GOLGA4: variants seen among roughly 807,000 people sequenced by gnomAD.
GOLGA4 encodes the protein golgin subfamily A member 4.
GOLGA4 carries 169 observed loss-of-function variants against 265.9 expected under a neutral mutation model. The observed-to-expected ratio is 0.64, with a 90% CI of 0.56 to 0.72. The LOEUF is 0.72. Ranked by LOEUF, GOLGA4 falls within the 30% of genes least tolerant of loss-of-function variation. The pLI, the probability that GOLGA4 is intolerant of heterozygous loss-of-function variation, is 0.00. For missense variants in GOLGA4, 2,482 were observed against 2,483.4 expected (o/e 1.00, Z 0.01); for synonymous variants, 923 against 855.8 (o/e 1.08, Z -1.37).
In GOLGA4 at chr3:37,366,134, G is replaced by GA; in HGVS notation, c.*92dup. 6.6e-7 allele frequency: 1 copy of GA among 1,504,466 alleles called. No individual in the cohort carries two copies. Among genetic ancestry groups the GA allele is most frequent in the East Asian group, 2.5e-5 (1 of 40,370 alleles). 93.2% of individuals were successfully genotyped at this position (1,504,466 alleles called of 1,614,324 possible). A position where few individuals can be genotyped will look rare whatever the true frequency, so the allele number is the denominator to read the frequency against. ...AGTGACATTGGGTGACTGCTGCTTG[G>GA]AAAACTGTCCACACTTGCTACTCTT... On this transcript the variant is annotated 3_prime_UTR_variant, in exon 24 of 24. Coordinates refer to ENST00000361924, the MANE Select transcript of GOLGA4 (RefSeq NM_002078.5).
chr3:37,324,340 G>C lies in GOLGA4; in HGVS notation c.2454G>C (p.Glu818Asp), dbSNP rs1353181996. ...SATHEQTKAY[E>D]EQLAQLQQKL... ...CACATGAGCAGACAAAAGCATATGAGGAACAGTTGGCCCAATTGCAGCAGA... is the reference window on the plus strand; with the variant it reads ...CACATGAGCAGACAAAAGCATATGACGAACAGTTGGCCCAATTGCAGCAGA... Residue 818 changes from glutamate to aspartate, a missense_variant, in exon 14 of 24, where the codon GAG (glutamate) becomes GAC (aspartate). Transcript: ENST00000361924. The C allele has an allele frequency of 6.2e-7, 1 of 1,614,112 alleles. No homozygotes were observed. Among genetic ancestry groups the C allele is most frequent in the Admixed American group, 1.7e-5 (1 of 60,016 alleles).
rs1337591096 is a variant in GOLGA4, at chr3:37,323,603, G to A, written c.1717G>A (p.Glu573Lys). Residue 573 changes from glutamate (E) to lysine (K), a missense_variant, in exon 14 of 24, where the codon GAA becomes AAA. This residue lies in a region of GOLGA4 where 1,536 missense variants were observed against 1,483.7 expected (regional missense o/e 1.04). Coordinates refer to ENST00000361924, the MANE Select transcript of GOLGA4 (RefSeq NM_002078.5). ...ETYRTRILELESSLEKSLQEN... is the reference protein window; with the variant it reads ...ETYRTRILELKSSLEKSLQEN... ...TAATTAACAGAGAATTCTTGAATTG[G>A]AAAGTTCTTTGGAAAAAAGCTTACA... 6.4e-7 allele frequency: 1 copy of A among 1,561,294 alleles called. No homozygotes were observed. Among genetic ancestry groups the A allele is most frequent in the Non-Finnish European group, 8.6e-7 (1 of 1,158,830 alleles).
intron 2 of GOLGA4, among the ~76,000 whole-genome samples, chr3:37,258,853 A>G (rs989318514): frequency 1.3e-5 from 2 of 152,146 alleles, no homozygotes; most frequent in African/African-American, 2.4e-5. Flanking sequence ...TTTCTTGTAT[A>G]TAATCTTTTT....
rs779369142 is a variant in GOLGA4 at position 37,324,774 on chromosome 3, C to A, written c.2888C>A (p.Ala963Glu). Residue 963 changes from alanine to glutamate, a missense_variant, in exon 14 of 24, where the codon GCA (alanine) becomes GAA (glutamate). Physicochemically the swap from Ala to Glu is moderately radical, Grantham distance 107. Transcript: ENST00000361924. ...EKKMEKVKQK[A>E]KEMQETLKKK... ...AAGATGGAAAAAGTTAAGCAGAAAG[C>A]AAAGGAGATGCAAGAAACGTTAAAG... The A allele has an allele frequency of 6.3e-7, 1 of 1,586,350 alleles. No individual in the cohort carries two copies. The highest frequency in any genetic ancestry group is 1.2e-5 in the South Asian group (1 of 84,458).
chr3:37,338,861 C>CTTT (rs1284511741), intron 19 of GOLGA4, among the ~76,000 whole-genome samples: 14 of 129,924 alleles, frequency 1.1e-4, no homozygotes, highest in South Asian at 2.5e-4. Flanking sequence ...TTATGTTAGG[C>CTTT]TTTTTTTTTT....
At chr3:37,341,134 TA>T (rs879311059) in intron 20 of GOLGA4, among the ~76,000 whole-genome samples, 131 of 145,636 alleles carry the variant, frequency 9.0e-4, no homozygotes, top group Non-Finnish European at 9.7e-4. Context: ...GCCATTGCAC[TA>T]AAAAAAAAAA....
chr3:37,316,480 TCC>T (rs2096937971), intron 11 of GOLGA4, among the ~76,000 whole-genome samples: 2 of 152,174 alleles, frequency 1.3e-5, no homozygotes, highest in Non-Finnish European at 2.9e-5. Context: ...ATTTTCTTCT[TCC>T]TGCTGAACTA....
chr3:37,344,940 C>T (rs2097051348), intron 20 of GOLGA4, among the ~76,000 whole-genome samples: 1 of 152,150 alleles, frequency 6.6e-6, no homozygotes, highest in Admixed American at 6.5e-5. Context: ...CTTGGCTGGG[C>T]ACAGTGACTC....
In GOLGA4 at chr3:37,261,798, G is replaced by A. The variant is rs115756224; in HGVS notation, c.162+10314G>A. Among the ~76,000 whole-genome samples the A allele has an allele frequency of 1.2e-3, 175 of 152,160 alleles. 1 individual carries two copies. Among genetic ancestry groups the A allele is most frequent in the African/African-American group, 4.0e-3 (168 of 41,500 alleles). ...ATGGGAAACTGCTGTCCTTAGGGAG[G>A]CCTCATGACCAAGAATCGAATCCAG... On this transcript the variant is annotated intron_variant, in intron 2 of 23. Coordinates refer to ENST00000361924, the MANE Select transcript of GOLGA4 (RefSeq NM_002078.5).
chr3:37,351,013 G>T (rs1420026441), intron 21 of GOLGA4, among the ~76,000 whole-genome samples: 1 of 152,072 alleles, frequency 6.6e-6, no homozygotes, highest in Non-Finnish European at 1.5e-5. Context: ...TGCCATATCA[G>T]TTGACACTTC....
At chr3:37,264,551 C>G (rs962738239) in intron 2 of GOLGA4, among the ~76,000 whole-genome samples, 7 of 152,104 alleles carry the variant, frequency 4.6e-5, no homozygotes, top group African/African-American at 1.7e-4. Context: ...ACCAAATGAA[C>G]AGTTAGTTAA....
chr3:37,325,132 A>C lies in GOLGA4; in HGVS notation c.3246A>C (p.Leu1082=). ...EVAELKQKIL[L]FGCEKEEMNK... ...CAGAACTGAAACAAAAGATCCTCCTATTTGGGTGTGAAAAAGAAGAGATGA... is the reference window on the plus strand; with the variant it reads ...CAGAACTGAAACAAAAGATCCTCCTCTTTGGGTGTGAAAAAGAAGAGATGA... Residue 1082 remains leucine, a synonymous_variant, in exon 14 of 24, where the codon CTA becomes CTC. Transcript: ENST00000361924. 1 of 1,613,558 alleles carries C rather than the reference A, an allele frequency of 6.2e-7. No homozygotes were observed. The highest frequency in any genetic ancestry group is 8.5e-7 in the Non-Finnish European group (1 of 1,179,664).
chr3:37,326,576 C>T lies in GOLGA4; in HGVS notation c.4690C>T (p.Gln1564Ter). The change falls in exon 14 of 24, where the codon CAG becomes TAG. Residue 1564 changes from glutamine (Q) to a stop codon, truncating the protein, a stop_gained. Transcript: ENST00000361924. LOFTEE classifies it high-confidence loss of function. ...GGATATTGAACACAAAGAATTGGTT[C>T]AGAAACTTCAACATTTTCAAGAGTT... The part of the protein sequence containing the change: ...QKDIEHKELV[Q>*]KLQHFQELGE... 6.2e-7 allele frequency: 1 copy of T among 1,612,740 alleles called. No homozygotes were observed. Among genetic ancestry groups the T allele is most frequent in the Non-Finnish European group, 8.5e-7 (1 of 1,179,200 alleles).
chr3:37,313,716 T>C (rs1234859284), intron 10 of GOLGA4, among the ~76,000 whole-genome samples: 1 of 152,180 alleles, frequency 6.6e-6, no homozygotes, highest in South Asian at 2.1e-4. Context: ...AACCCACATA[T>C]ATGTACACAT....
chr3:37,296,877 GT>G (rs2096879886), intron 7 of GOLGA4, among the ~76,000 whole-genome samples: 1 of 152,132 alleles, frequency 6.6e-6, no homozygotes, highest in Non-Finnish European at 1.5e-5. Context: ...AACCAAAAAA[GT>G]TGTTTTAATA....
chr3:37,282,407 A>G (rs2096837251), intron 3 of GOLGA4, 135 bp downstream of exon 3: 4 of 662,810 alleles, frequency 6.0e-6, no homozygotes, highest in Non-Finnish European at 7.7e-6. Flanking sequence ...AATGGTATGT[A>G]GTCTGTGGCA....
Position 37,340,157 on chromosome 3 carries a change from GA to G in GOLGA4, c.6434del (p.Lys2145ArgfsTer42). On this transcript the variant is annotated frameshift_variant, in exon 20 of 24. Coordinates refer to ENST00000361924, the MANE Select transcript of GOLGA4 (RefSeq NM_002078.5). LOFTEE classifies it high-confidence loss of function. ...TTTAGAAGACCGTTTGAAGAAATATGAAAAGAATGTATATGCAACAACTGTG... is the reference window on the plus strand; with the variant it reads ...TTTAGAAGACCGTTTGAAGAAATATGAAAGAATGTATATGCAACAACTGTG... The part of the protein sequence containing the change: ...HNLEDRLKKY[E>X]KNVYATTVGT... 7.0e-7 allele frequency: 1 copy of G among 1,432,142 alleles called. No individual in the cohort carries two copies. The highest frequency in any genetic ancestry group is 9.7e-7 in the Non-Finnish European group (1 of 1,027,570). 88.7% of individuals were successfully genotyped at this position (1,432,142 alleles called of 1,614,324 possible). A position where few individuals can be genotyped will look rare whatever the true frequency, so the allele number is the denominator to read the frequency against.
intron 10 of GOLGA4, among the ~76,000 whole-genome samples, chr3:37,309,571 C>T (rs1272708107): frequency 6.6e-6 from 1 of 152,148 alleles, no homozygotes; most frequent in Non-Finnish European, 1.5e-5. Flanking sequence ...AAACAAACAA[C>T]AACAACAAAA....
rs779369362 is a variant in GOLGA4, at chr3:37,361,305, G to A, written c.*33G>A. On this transcript the variant is annotated splice_region_variant and 3_prime_UTR_variant, in exon 23 of 24. Coordinates refer to ENST00000361924, the MANE Select transcript of GOLGA4 (RefSeq NM_002078.5). Reference sequence around the variant, plus strand: ...ATCAGTCTGTGCTTAGTTAACATGTGGTGAGTGAAGAACAATGTCTTGTGT... The same window carrying A: ...ATCAGTCTGTGCTTAGTTAACATGTAGTGAGTGAAGAACAATGTCTTGTGT... The A allele has an allele frequency of 6.2e-7, 1 of 1,604,748 alleles. No individual in the cohort carries two copies. The highest frequency in any genetic ancestry group is 8.5e-7 in the Non-Finnish European group (1 of 1,171,760).
Sources: gnomAD v4.1 joint callset for allele counts (sites outside exome capture counted in the v4.1 genomes callset) on GRCh38, gnomAD v4.1.1 for gene constraint, gnomAD v4.1.1 regional missense constraint, MANE v1.5 for transcripts, NCBI Gene and HGNC (gene_info 2026-07-23, HGNC 2026-07-21) for gene names.